FBXW7: variants seen among roughly 807,000 people sequenced by gnomAD.
FBXW7 encodes F-box/WD repeat-containing protein 7.
A neutral mutation model predicts 86.3 loss-of-function variants in FBXW7; 11 were observed. The observed-to-expected ratio is 0.13, with a 90% CI of 0.08 to 0.21. The LOEUF (loss-of-function observed/expected upper bound fraction) is 0.21. FBXW7 is among the 10% of genes least tolerant of loss of function. The probability of loss-of-function intolerance (pLI) is 1.00; values close to 1 mark genes in which losing one functional copy is unlikely to be tolerated. For synonymous variants in FBXW7, 313 were observed against 297.9 expected, an observed-to-expected ratio of 1.05 and a Z score of -0.52; for missense variants, 488 against 847.4, an observed-to-expected ratio of 0.58 and a Z score of 5.27.
intron 4 of FBXW7, chr4:152,382,196 C>G (rs748760266): frequency 6.5e-7 from 1 of 1,548,362 alleles, no homozygotes; most frequent in Non-Finnish European, 8.7e-7. Context: ...TACCCGTCTT[C>G]GACAAAAAGG....
At chr4:152,490,234 C>T (rs2149683311) in intron 2 of FBXW7, among the ~76,000 whole-genome samples, 1 of 152,036 alleles carries the variant, frequency 6.6e-6, no homozygotes, top group South Asian at 2.1e-4. Flanking sequence ...TGAAAAACTT[C>T]TGGAAATGGA....
rs566580358 is a variant in FBXW7, at chr4:152,452,931, C to T, written c.-119-40402G>A. 2.0e-5 allele frequency among the ~76,000 whole-genome samples: 3 copies of T among 152,310 alleles called. No homozygotes were observed. The South Asian group carries it at 6.2e-4, about 32-fold the overall frequency. On this transcript the variant is annotated intron_variant, in intron 2 of 13. Coordinates refer to ENST00000281708, the MANE Select transcript of FBXW7 (RefSeq NM_001349798.2). ...GGCGCAGTGGCTCACGCCTGTAATC[C>T]CACCACTCTGGGAGGCTGAGGCAGG...
intron 2 of FBXW7, among the ~76,000 whole-genome samples, chr4:152,505,328 TGTACTAA>T: frequency 6.6e-6 from 1 of 152,346 alleles, no homozygotes; most frequent in Non-Finnish European, 1.5e-5. Flanking sequence ...GCACTTAGGC[TGTACTAA>T]GTTTATTTTA....
At chr4:152,476,989 G>A (rs1744461611) in intron 2 of FBXW7, among the ~76,000 whole-genome samples, 1 of 151,946 alleles carries the variant, frequency 6.6e-6, no homozygotes, top group Non-Finnish European at 1.5e-5. Context: ...AATCCACAGT[G>A]TGTACAAGCA....
chr4:152,416,573 A>C (rs1738449522), intron 2 of FBXW7, among the ~76,000 whole-genome samples: 1 of 152,202 alleles, frequency 6.6e-6, no homozygotes, highest in Non-Finnish European at 1.5e-5. Context: ...GTAACTTTAA[A>C]GATGAAAATC....
In FBXW7 at chr4:152,470,177, T is replaced by A. The variant is rs554843843; in HGVS notation, c.-119-57648A>T. On this transcript the variant is annotated intron_variant, in intron 2 of 13. Transcript: ENST00000281708. ...ATATGAAACAATTTTTTCATAGCCT[T>A]ATAATTTAAATTTTATAGGTAATAT... Among the ~76,000 whole-genome samples the A allele has an allele frequency of 2.0e-5, 3 of 152,190 alleles. No homozygotes were observed. The South Asian group carries it at 6.2e-4, about 32-fold the overall frequency.
chr4:152,400,731 T>C (rs1435971122), intron 4 of FBXW7, among the ~76,000 whole-genome samples: 2 of 152,116 alleles, frequency 1.3e-5, no homozygotes, highest in South Asian at 2.1e-4. Context: ...TCTACTAAAA[T>C]AGGAATGTCA....
chr4:152,338,419 T>C (rs1730378919), intron 6 of FBXW7, among the ~76,000 whole-genome samples: 3 of 152,076 alleles, frequency 2.0e-5, no homozygotes, highest in Non-Finnish European at 2.9e-5. Flanking sequence ...TATTACACAT[T>C]TGACAACTGT....
In FBXW7 at chr4:152,457,767, A is replaced by G. The variant is rs149844866; in HGVS notation, c.-119-45238T>C. On this transcript the variant is annotated intron_variant, in intron 2 of 13. Coordinates refer to ENST00000281708, the MANE Select transcript of FBXW7 (RefSeq NM_001349798.2). ...ACAACTTCTCTAGTAGAATCCTAAC[A>G]AACAGTCTGGAGACAAAGTAAAGAA... Among the ~76,000 whole-genome samples, 14 of 152,118 alleles carry G rather than the reference A, an allele frequency of 9.2e-5. No homozygotes were observed. The East Asian group carries it at 2.7e-3, about 29-fold the overall frequency.
chr4:152,474,068 G>A (rs1210237545), intron 2 of FBXW7, among the ~76,000 whole-genome samples: 2 of 152,188 alleles, frequency 1.3e-5, no homozygotes, highest in Non-Finnish European at 2.9e-5. Flanking sequence ...AGCCAATGGT[G>A]ACCAAATTAA....
chr4:152,428,124 G>T (rs1739546346), intron 2 of FBXW7, among the ~76,000 whole-genome samples: 1 of 152,158 alleles, frequency 6.6e-6, no homozygotes, highest in Non-Finnish European at 1.5e-5. Flanking sequence ...TACCCAAAAT[G>T]AGTCAAGATT....
chr4:152,471,885 G>T (rs1008401207), intron 2 of FBXW7, among the ~76,000 whole-genome samples: 3 of 152,154 alleles, frequency 2.0e-5, no homozygotes, highest in Admixed American at 2.0e-4. Context: ...GGGTGACAGA[G>T]TGAGACCCTG....
chr4:152,326,055 G>A lies in FBXW7; in HGVS notation c.1595C>T (p.Thr532Ile), dbSNP rs1179476070. The A allele has an allele frequency of 6.2e-7, 1 of 1,613,184 alleles. No individual in the cohort carries two copies. Among genetic ancestry groups the A allele is most frequent in the Non-Finnish European group, 8.5e-7 (1 of 1,179,470 alleles). ...ATGCCCCTGCAACGTGTGTAGACAG[G>A]TTTCAGTCTCTGGATCCCACACCTT... ...MVKVWDPETETCLHTLQGHTN... is the reference protein window; with the variant it reads ...MVKVWDPETEICLHTLQGHTN... Residue 532 changes from threonine (T) to isoleucine (I), a missense_variant, in exon 12 of 14, where the codon ACC becomes ATC. By Grantham distance (89) the Thr-to-Ile change is moderately conservative. This residue lies in a region of FBXW7 where 142 missense variants were observed against 406.6 expected (regional missense o/e 0.35). Transcript: ENST00000281708.
chr4:152,416,602 T>C (rs1273053829), intron 2 of FBXW7, among the ~76,000 whole-genome samples: 2 of 152,186 alleles, frequency 1.3e-5, no homozygotes, highest in African/African-American at 2.4e-5. Context: ...ACTGCAAAAT[T>C]TGATGAAAAG....
intron 7 of FBXW7, 162 bp downstream of exon 7, chr4:152,337,639 AG>A: frequency 3.2e-6 from 2 of 615,652 alleles, no homozygotes; most frequent in Non-Finnish European, 5.3e-6. Flanking sequence ...TACATTATTA[AG>A]TCATGGCAAT....
intron 2 of FBXW7, among the ~76,000 whole-genome samples, chr4:152,530,068 A>AC (rs1389594279): frequency 8.9e-6 from 1 of 112,766 alleles, no homozygotes; most frequent in Non-Finnish European, 1.8e-5. Context: ...AAAAAAAAAA[A>AC]ATACACACAC....
At chr4:152,492,288 T>C (rs910807289) in intron 2 of FBXW7, among the ~76,000 whole-genome samples, 1 of 152,220 alleles carries the variant, frequency 6.6e-6, no homozygotes, top group Non-Finnish European at 1.5e-5. Context: ...TCATTAATCC[T>C]ATTGACATTT....
intron 9 of FBXW7, among the ~76,000 whole-genome samples, chr4:152,330,249 T>TA (rs1326377109): frequency 1.3e-5 from 2 of 151,954 alleles, no homozygotes; most frequent in African/African-American, 4.8e-5. Context: ...TTTCCAGTTG[T>TA]AAAAATACGC....
chr4:152,465,319 G>A (rs570798276), intron 2 of FBXW7, among the ~76,000 whole-genome samples: 17 of 152,076 alleles, frequency 1.1e-4, no homozygotes, highest in Admixed American at 8.5e-4. Flanking sequence ...GGAAAGAATC[G>A]GATATAAAAG....
Sources: gnomAD v4.1 joint callset for allele counts (sites outside exome capture counted in the v4.1 genomes callset) on GRCh38, gnomAD v4.1.1 for gene constraint, gnomAD v4.1.1 regional missense constraint, MANE v1.5 for transcripts, NCBI Gene and HGNC (gene_info 2026-07-23, HGNC 2026-07-21) for gene names.